The following SAE1 variants were observed in gnomAD, a reference collection of about 807,000 sequenced individuals.
The protein encoded by SAE1 is SUMO1 activating enzyme subunit 1.
Under a neutral mutation model 40.6 loss-of-function variants are expected in SAE1, and 11 were observed. The observed-to-expected ratio is 0.27, with a 90% CI of 0.17 to 0.45. The LOEUF (loss-of-function observed/expected upper bound fraction) is 0.45, where lower values mean the gene tolerates loss of function less well. Among genes scored for constraint, SAE1 ranks in the 20% least tolerant of loss-of-function variants. The probability of loss-of-function intolerance (pLI) is 1.00; values close to 1 mark genes in which losing one functional copy is unlikely to be tolerated. For synonymous variants in SAE1, 155 were observed against 154.3 expected, an observed-to-expected ratio of 1.00 and a Z score of -0.03; for missense variants, 373 against 427.3, an observed-to-expected ratio of 0.87 and a Z score of 1.12.
chr19:47,191,208 C>T (rs1315288559), intron 6 of SAE1, among the ~76,000 whole-genome samples: 2 of 151,848 alleles, frequency 1.3e-5, no homozygotes, highest in Non-Finnish European at 1.5e-5. Flanking sequence ...GTCAGAAGTT[C>T]GAGACCAGCC....
At chr19:47,155,423 A>T (rs1256991469) in intron 5 of SAE1, among the ~76,000 whole-genome samples, 1 of 152,052 alleles carries the variant, frequency 6.6e-6, no homozygotes, top group Non-Finnish European at 1.5e-5. Context: ...TTTTCAAGAC[A>T]ATGAGAAATG....
intron 6 of SAE1, chr19:47,180,419 T>A (rs1273194650): frequency 2.7e-6 from 1 of 364,316 alleles, no homozygotes; most frequent in Non-Finnish European, 5.4e-6. Context: ...ATTATGAAGA[T>A]AACAAAGTCT....
intron 2 of SAE1, among the ~76,000 whole-genome samples, chr19:47,147,420 C>T (rs2058261277): frequency 2.7e-5 from 4 of 150,584 alleles, no homozygotes; most frequent in Admixed American, 2.7e-4. Context: ...GTTGCTCAGG[C>T]TGGTCTTGAA....
chr19:47,192,033 A>G (rs958128979), intron 6 of SAE1, among the ~76,000 whole-genome samples: 35 of 151,438 alleles, frequency 2.3e-4, no homozygotes, highest in Non-Finnish European at 3.1e-4. Flanking sequence ...CAGCCTGGGC[A>G]ACAGAGCGAG....
intron 5 of SAE1, among the ~76,000 whole-genome samples, chr19:47,156,269 T>TAA (rs568932525): frequency 7.5e-6 from 1 of 132,856 alleles, no homozygotes. Flanking sequence ...AGATCCTGTC[T>TAA]AAAAAAAAAA....
chr19:47,170,278 A>C (rs2058422723), intron 6 of SAE1, among the ~76,000 whole-genome samples: 1 of 145,206 alleles, frequency 6.9e-6, no homozygotes, highest in African/African-American at 2.6e-5. Flanking sequence ...AGTGGGGTGC[A>C]ATCTTGGCTC....
At chr19:47,175,550 A>G (rs1417262060) in intron 6 of SAE1, among the ~76,000 whole-genome samples, 1 of 152,108 alleles carries the variant, frequency 6.6e-6, no homozygotes, top group Non-Finnish European at 1.5e-5. Flanking sequence ...CAGCCTGGCC[A>G]AGATGGTGAA....
chr19:47,186,817 A>G (rs959048456), intron 6 of SAE1, among the ~76,000 whole-genome samples: 2 of 152,142 alleles, frequency 1.3e-5, no homozygotes, highest in Non-Finnish European at 2.9e-5. Context: ...AAAAAGGGGC[A>G]TTTCAGAGTA....
intron 6 of SAE1, among the ~76,000 whole-genome samples, chr19:47,182,503 A>G (rs375102593): frequency 3.1e-4 from 36 of 116,898 alleles, no homozygotes; most frequent in African/African-American, 6.1e-4. Flanking sequence ...GTGTGCGCGC[A>G]CGCACGCGCG....
At chr19:47,154,898 C>T (rs916226652) in intron 4 of SAE1, among the ~76,000 whole-genome samples, 3 of 152,272 alleles carry the variant, frequency 2.0e-5, no homozygotes, top group African/African-American at 4.8e-5. Context: ...GAGCAACTTA[C>T]GCTGCTCTGT....
At chr19:47,191,759 A>G (rs774437756) in intron 6 of SAE1, among the ~76,000 whole-genome samples, 4 of 152,068 alleles carry the variant, frequency 2.6e-5, no homozygotes, top group Non-Finnish European at 5.9e-5. Flanking sequence ...GTTTGAAAAC[A>G]TAGCTGTGGG....
At chr19:47,145,280 C>T (rs979566281) in intron 2 of SAE1, among the ~76,000 whole-genome samples, 14 of 151,826 alleles carry the variant, frequency 9.2e-5, no homozygotes, top group Non-Finnish European at 1.8e-4. Flanking sequence ...GGATTGCAGG[C>T]GTGAGCCACC....
intron 5 of SAE1, 55 bp downstream of exon 5, chr19:47,155,268 G>A (rs918328895): frequency 8.2e-7 from 1 of 1,214,328 alleles, no homozygotes; most frequent in Admixed American, 1.8e-5. Context: ...GAGGGGTCAG[G>A]CAATGACGAT....
chr19:47,181,104 G>T (rs1313808465), intron 6 of SAE1, among the ~76,000 whole-genome samples: 6 of 152,056 alleles, frequency 3.9e-5, no homozygotes, highest in Admixed American at 3.9e-4. Context: ...ATCACCTGAG[G>T]TCGGGAGTTC....
chr19:47,135,828 G>A (rs1408730555), intron 1 of SAE1, among the ~76,000 whole-genome samples: 2 of 151,692 alleles, frequency 1.3e-5, no homozygotes, highest in East Asian at 1.9e-4. Context: ...GAGTCTCGCC[G>A]TGTCGCCTAG....
At chr19:47,160,644 C>A (rs2058354202) in intron 5 of SAE1, among the ~76,000 whole-genome samples, 1 of 152,058 alleles carries the variant, frequency 6.6e-6, no homozygotes, top group African/African-American at 2.4e-5. Flanking sequence ...ATCCGCCCAC[C>A]TCGGCCTCCC....
chr19:47,186,047 C>T (rs1442387545), intron 6 of SAE1, among the ~76,000 whole-genome samples: 3 of 151,506 alleles, frequency 2.0e-5, no homozygotes, highest in Non-Finnish European at 4.4e-5. Context: ...CAAGACCAGC[C>T]TGGCTAACAT....
chr19:47,147,628 T>C (rs903158455), intron 2 of SAE1, among the ~76,000 whole-genome samples: 7 of 151,184 alleles, frequency 4.6e-5, no homozygotes, highest in Non-Finnish European at 7.4e-5. Context: ...AATTTTTGTA[T>C]TTTTAGTAGA....
intron 6 of SAE1, among the ~76,000 whole-genome samples, chr19:47,193,500 T>C (rs1367638094): frequency 6.6e-6 from 1 of 151,888 alleles, no homozygotes; most frequent in Non-Finnish European, 1.5e-5. Context: ...GTTCTGGAGC[T>C]TTTTTCTTTT....
Sources: allele counts gnomAD v4.1 joint callset (sites outside exome capture counted in the v4.1 genomes callset), GRCh38; gene constraint gnomAD v4.1.1; transcripts MANE v1.5; gene names NCBI Gene and HGNC (gene_info 2026-07-23, HGNC 2026-07-21).